The following RABGAP1L variants were observed in gnomAD, a reference collection of about 807,000 sequenced individuals.
The protein encoded by RABGAP1L is rab GTPase-activating protein 1-like.
Under a neutral mutation model 137.7 loss-of-function variants are expected in RABGAP1L, and 63 were observed. The observed-to-expected ratio is 0.46, with a 90% CI of 0.37 to 0.56. RABGAP1L has a LOEUF of 0.56. Among genes scored for constraint, RABGAP1L ranks in the 20% least tolerant of loss-of-function variants. The pLI is 0.00. For missense variants in RABGAP1L, 1,095 were observed against 1,244.0 expected (o/e 0.88, Z 1.80); for synonymous variants, 431 against 433.7 (o/e 0.99, Z 0.08).
Position 174,329,905 on chromosome 1 carries a change from T to A in RABGAP1L, c.1465+24778T>A, listed in dbSNP as rs75101549. The stretch of plus-strand genomic sequence containing the variant: ...AAATTTCATAATAATAATTTTTTTT[T>A]AAAAAAAGACTGATTTGAATAATAA... On this transcript the variant is annotated intron_variant, in intron 11 of 25. Transcript: ENST00000681986. Among the ~76,000 whole-genome samples, 1,478 of 150,528 alleles carry A rather than the reference T, an allele frequency of 9.8e-3. 25 individuals carry two copies. Among genetic ancestry groups the A allele is most frequent in the African/African-American group, 0.025 (1,046 of 41,066 alleles).
At chr1:174,723,950 AGTTGT>A (rs1316410004) in intron 17 of RABGAP1L, among the ~76,000 whole-genome samples, 4 of 152,228 alleles carry the variant, frequency 2.6e-5, no homozygotes, top group African/African-American at 7.2e-5. Context: ...GAGTCAAAAT[AGTTGT>A]GTTGTGATAG....
rs551938631 is a variant in RABGAP1L, at chr1:174,302,115, T to G, written c.1324-2871T>G. 3.3e-5 allele frequency among the ~76,000 whole-genome samples: 5 copies of G among 152,336 alleles called. 1 individual carries two copies. The South Asian group carries it at 1.0e-3, about 32-fold the overall frequency. ...AGATACGGACAAGCTTGGATTGTTGTTAGGATTGAATTCTTGCTATCCTTA... is the reference window on the plus strand; with the variant it reads ...AGATACGGACAAGCTTGGATTGTTGGTAGGATTGAATTCTTGCTATCCTTA... On this transcript the variant is annotated intron_variant, in intron 10 of 25. Coordinates refer to ENST00000681986, the MANE Select transcript of RABGAP1L (RefSeq NM_001366446.1).
chr1:174,901,634 G>A (rs1383238827), intron 19 of RABGAP1L, among the ~76,000 whole-genome samples: 1 of 152,172 alleles, frequency 6.6e-6, no homozygotes, highest in Non-Finnish European at 1.5e-5. Context: ...TTAGCTTAGT[G>A]AAGTTCATTA....
At chr1:174,217,450 T>C (rs1669425754) in intron 1 of RABGAP1L, among the ~76,000 whole-genome samples, 1 of 152,120 alleles carries the variant, frequency 6.6e-6, no homozygotes, top group Non-Finnish European at 1.5e-5. Flanking sequence ...AAGGTCAGGA[T>C]CTGAACTCAG....
intron 3 of RABGAP1L, among the ~76,000 whole-genome samples, chr1:174,225,871 T>A (rs1670132957): frequency 6.6e-6 from 1 of 152,182 alleles, no homozygotes; most frequent in Non-Finnish European, 1.5e-5. Flanking sequence ...ATAGAGTTTT[T>A]CTTTTCCATT....
chr1:174,731,497 C>T (rs917286971), intron 17 of RABGAP1L, among the ~76,000 whole-genome samples: 2 of 152,144 alleles, frequency 1.3e-5, no homozygotes, highest in Non-Finnish European at 2.9e-5. Flanking sequence ...AAAAATAGAT[C>T]ATTATAATAC....
rs569527327 is a variant in RABGAP1L at position 174,545,754 on chromosome 1, C to T, written c.1711-91621C>T. On this transcript the variant is annotated intron_variant, in intron 13 of 25. Coordinates refer to ENST00000681986, the MANE Select transcript of RABGAP1L (RefSeq NM_001366446.1). ...ACCTGAGTTGTAATACTCACTCTTCCTGTTGCTGCCTATGTAATTTTGTAG... is the reference window on the plus strand; with the variant it reads ...ACCTGAGTTGTAATACTCACTCTTCTTGTTGCTGCCTATGTAATTTTGTAG... 2.6e-5 allele frequency: 4 copies of T among 152,360 alleles called. No individual in the cohort carries two copies. The East Asian group carries it at 5.8e-4, about 22-fold the overall frequency. 9.4% of individuals were successfully genotyped at this position (152,360 alleles called of 1,614,324 possible).
intron 13 of RABGAP1L, among the ~76,000 whole-genome samples, chr1:174,509,576 AT>A (rs529714183): frequency 6.6e-6 from 1 of 151,750 alleles, no homozygotes; most frequent in African/African-American, 2.4e-5. Context: ...TCTCAGTCCC[AT>A]TTTTTCCCCC....
chr1:174,813,872 T>C (rs1242481128), intron 19 of RABGAP1L, among the ~76,000 whole-genome samples: 1 of 152,114 alleles, frequency 6.6e-6, no homozygotes, highest in East Asian at 1.9e-4. Flanking sequence ...GTAAATTGGG[T>C]CAATGTTGTA....
chr1:174,599,839 C>T (rs1670277962), intron 13 of RABGAP1L, among the ~76,000 whole-genome samples: 1 of 152,060 alleles, frequency 6.6e-6, no homozygotes, highest in Non-Finnish European at 1.5e-5. Flanking sequence ...TGTTTTATAA[C>T]CTTCTTGTAC....
intron 19 of RABGAP1L, among the ~76,000 whole-genome samples, chr1:174,944,298 A>G (rs180919756): frequency 0.018 from 2,692 of 147,654 alleles, 101 homozygotes; most frequent in African/African-American, 0.065. Flanking sequence ...AAAAAAAAGC[A>G]AAGTTGTATG....
intron 13 of RABGAP1L, among the ~76,000 whole-genome samples, chr1:174,537,641 A>G (rs1179829296): frequency 6.6e-6 from 1 of 152,182 alleles, no homozygotes; most frequent in Non-Finnish European, 1.5e-5. Context: ...CACCTGTACT[A>G]CTATGGAGAG....
chr1:174,337,975 A>G (rs1417769507), intron 11 of RABGAP1L, among the ~76,000 whole-genome samples: 1 of 152,202 alleles, frequency 6.6e-6, no homozygotes, highest in East Asian at 1.9e-4. Context: ...GAAACATTGC[A>G]GTTTGAGTTG....
chr1:174,766,412 T>C (rs1053613126), intron 18 of RABGAP1L, among the ~76,000 whole-genome samples: 15 of 152,208 alleles, frequency 9.9e-5, no homozygotes, highest in African/African-American at 3.4e-4. Flanking sequence ...CAGTTGACCA[T>C]GGACAGTTTT....
intron 18 of RABGAP1L, among the ~76,000 whole-genome samples, chr1:174,764,220 C>T (rs1685483454): frequency 6.6e-6 from 1 of 152,144 alleles, no homozygotes; most frequent in Non-Finnish European, 1.5e-5. Flanking sequence ...AGTTAATAAA[C>T]ATTTCAGTTG....
At chr1:174,452,861 G>A (rs539782039) in intron 13 of RABGAP1L, among the ~76,000 whole-genome samples, 9 of 151,886 alleles carry the variant, frequency 5.9e-5, no homozygotes, top group African/African-American at 1.9e-4. Flanking sequence ...GCACCCAGCC[G>A]GTAGCTGCTG....
At chr1:174,241,685 C>A in intron 5 of RABGAP1L, 28 bp downstream of exon 5, 2 of 1,529,288 alleles carry the variant, frequency 1.3e-6, no homozygotes, top group African/African-American at 1.4e-5. Context: ...TAGCAATTTG[C>A]TATAGAGATG....
chr1:174,596,325 C>T (rs911186167), intron 13 of RABGAP1L, among the ~76,000 whole-genome samples: 13 of 152,092 alleles, frequency 8.5e-5, no homozygotes, highest in African/African-American at 2.9e-4. Context: ...GCGTGGCTCA[C>T]GCTGGGAGCT....
chr1:174,735,445 A>G (rs773291071), intron 17 of RABGAP1L, among the ~76,000 whole-genome samples: 7 of 151,538 alleles, frequency 4.6e-5, no homozygotes, highest in African/African-American at 9.7e-5. Flanking sequence ...GCATTGCTGT[A>G]AAGAAATACC....
Sources: allele counts gnomAD v4.1 joint callset (sites outside exome capture counted in the v4.1 genomes callset), GRCh38; gene constraint gnomAD v4.1.1; transcripts MANE v1.5; gene names NCBI Gene and HGNC (gene_info 2026-07-23, HGNC 2026-07-21).